ASH1L: variants seen among roughly 807,000 people sequenced by gnomAD.
ASH1L encodes the protein ASH1 like histone lysine methyltransferase.
A neutral mutation model predicts 269.0 loss-of-function variants in ASH1L; 23 were observed. The ratio of observed to expected loss-of-function variants is 0.09; its 90% confidence interval spans 0.06 to 0.12. The LOEUF is 0.12. Among genes scored for constraint, ASH1L ranks in the 10% least tolerant of loss-of-function variants. The pLI is 1.00. For missense variants in ASH1L, 2,912 were observed against 3,567.8 expected, an observed-to-expected ratio of 0.82 and a Z score of 4.68; for synonymous variants, 1,187 against 1,253.5, an observed-to-expected ratio of 0.95 and a Z score of 1.12.
chr1:155,417,650 A>G (rs531958555), intron 5 of ASH1L, among the ~76,000 whole-genome samples: 46 of 152,304 alleles, frequency 3.0e-4, no homozygotes, highest in Admixed American at 9.8e-4. Flanking sequence ...GGGCTTAATT[A>G]TCCTGAAAGG....
chr1:155,537,651 G>C (rs750609604), intron 1 of ASH1L, among the ~76,000 whole-genome samples: 1 of 151,804 alleles, frequency 6.6e-6, no homozygotes, highest in Non-Finnish European at 1.5e-5. Context: ...ATCTAAATTC[G>C]AAAACGAACT....
intron 3 of ASH1L, among the ~76,000 whole-genome samples, chr1:155,466,131 G>A (rs1399988906): frequency 6.6e-6 from 1 of 152,164 alleles, no homozygotes; most frequent in Non-Finnish European, 1.5e-5. Flanking sequence ...GAGGCAGGCA[G>A]ATCACGAGGT....
At chr1:155,433,471 C>T (rs1346621575) in intron 5 of ASH1L, 4 of 1,610,164 alleles carry the variant, frequency 2.5e-6, no homozygotes, top group East Asian at 2.2e-5. Flanking sequence ...AGCCTGAGGG[C>T]GAAGCAGGAG....
At chr1:155,345,233 T>A (rs1439947578) in intron 21 of ASH1L, among the ~76,000 whole-genome samples, 1 of 128,858 alleles carries the variant, frequency 7.8e-6, no homozygotes, top group Non-Finnish European at 1.5e-5. Flanking sequence ...CGGGCTAGAG[T>A]GCAGTGGCGT....
intron 1 of ASH1L, among the ~76,000 whole-genome samples, chr1:155,528,777 T>C (rs1433706899): frequency 6.6e-6 from 1 of 152,166 alleles, no homozygotes; most frequent in Non-Finnish European, 1.5e-5. Context: ...ACTTGTGTCA[T>C]GGGGGTTTAT....
intron 6 of ASH1L, among the ~76,000 whole-genome samples, chr1:155,406,052 A>G (rs1217839519): frequency 6.6e-6 from 1 of 151,792 alleles, no homozygotes; most frequent in Non-Finnish European, 1.5e-5. Flanking sequence ...AAAAATACAA[A>G]AAGTAGATGG....
chr1:155,349,919 T>G lies in ASH1L; in HGVS notation c.7367-323A>C, dbSNP rs926239569. ...TTTTTTTTTTTTTGAGACAAGAGTT[T>G]CGCTCTGTTGCCCAGGCTGGAGTGC... On this transcript the variant is annotated intron_variant, in intron 17 of 27. Transcript: ENST00000392403. 3.5e-5 allele frequency among the ~76,000 whole-genome samples: 5 copies of G among 143,838 alleles called. No homozygotes were observed. The East Asian group carries it at 1.0e-3, about 29-fold the overall frequency. 94.4% of individuals were successfully genotyped at this position (143,838 alleles called of 152,430 possible).
At chr1:155,483,296 G>A (rs892199156) in intron 2 of ASH1L, among the ~76,000 whole-genome samples, 6 of 152,124 alleles carry the variant, frequency 3.9e-5, no homozygotes, top group East Asian at 3.8e-4. Context: ...TAAATTTAAT[G>A]CAATCTCAAT....
At chr1:155,483,914 A>ACCT (rs1240364352) in intron 2 of ASH1L, among the ~76,000 whole-genome samples, 1 of 152,156 alleles carries the variant, frequency 6.6e-6, no homozygotes. Context: ...GTTGAGAACA[A>ACCT]TGGTTATAAT....
In ASH1L at chr1:155,434,369, G is replaced by A. The variant is rs1661900510; in HGVS notation, c.5828+3958C>T. On this transcript the variant is annotated intron_variant, in intron 5 of 27. Coordinates refer to ENST00000392403, the MANE Select transcript of ASH1L (RefSeq NM_018489.3). ...TGGAATTAAGTTCTTCATTCACTAA[G>A]GAAGGAATTGGGAACACAAAGGGTG... 8.7e-6 allele frequency: 13 copies of A among 1,487,174 alleles called. No homozygotes were observed. In the South Asian group the frequency reaches 1.6e-4, roughly 18 times the overall value. 92.1% of individuals were successfully genotyped at this position (1,487,174 alleles called of 1,614,324 possible). A position where few individuals can be genotyped will look rare whatever the true frequency, so the allele number is the denominator to read the frequency against.
intron 1 of ASH1L, among the ~76,000 whole-genome samples, chr1:155,556,800 G>A (rs1671626305): frequency 6.6e-6 from 1 of 152,088 alleles, no homozygotes; most frequent in Admixed American, 6.6e-5. Context: ...TATAATTCCA[G>A]CAATTTGGGA....
chr1:155,482,263 C>A lies in ASH1L; in HGVS notation c.607G>T (p.Asp203Tyr). The A allele has an allele frequency of 6.2e-7, 1 of 1,614,138 alleles. No individual in the cohort carries two copies. The highest frequency in any genetic ancestry group is 8.5e-7 in the Non-Finnish European group (1 of 1,180,010). ...TTAAGTAATGCTCTGTCCTTTAAAT[C>A]AGGATCCCGGCTACCAAGAAGAGTA... Reference protein sequence around the residue: ...PSTLLGSRDPDLKDRALLNGG... With the variant: ...PSTLLGSRDPYLKDRALLNGG... Residue 203 changes from aspartate to tyrosine, a missense_variant, in exon 3 of 28, where the codon GAT becomes TAT. Asp to Tyr is a radical substitution (Grantham distance 160, BLOSUM62 -3). Coordinates refer to ENST00000392403, the MANE Select transcript of ASH1L (RefSeq NM_018489.3).
At chr1:155,438,068 G>C (rs1197632921) in intron 5 of ASH1L, among the ~76,000 whole-genome samples, 10 of 152,082 alleles carry the variant, frequency 6.6e-5, no homozygotes, top group Admixed American at 6.6e-4. Context: ...GGCTGGTCTT[G>C]AACTCCTCAC....
At chr1:155,533,212 T>C (rs774073678) in intron 1 of ASH1L, among the ~76,000 whole-genome samples, 9 of 152,220 alleles carry the variant, frequency 5.9e-5, no homozygotes, top group Non-Finnish European at 1.2e-4. Flanking sequence ...TCAGTAAAAG[T>C]AATAAAATAC....
intron 4 of ASH1L, among the ~76,000 whole-genome samples, chr1:155,450,231 C>T (rs1663364503): frequency 6.6e-6 from 1 of 152,108 alleles, no homozygotes; most frequent in South Asian, 2.1e-4. Flanking sequence ...TCTTTACAAT[C>T]GTTTTCCAGA....
rs1341372639 is a variant in ASH1L, at chr1:155,343,304, G to T, written c.8293+10C>A. 5.6e-6 allele frequency: 9 copies of T among 1,608,216 alleles called. No individual in the cohort carries two copies. Among genetic ancestry groups the T allele is most frequent in the Non-Finnish European group, 5.9e-6 (7 of 1,176,676 alleles). On this transcript the variant is annotated intron_variant, in intron 24 of 27. Coordinates refer to ENST00000392403, the MANE Select transcript of ASH1L (RefSeq NM_018489.3). The surrounding 1 kb of genome is among the most constrained non-coding windows in gnomAD (Gnocchi z 6.1). ...CCGAGGTCATTTTTTAACTAGCCCA[G>T]ATCACTTACCTTTACAATACGTATA...
rs35340905 is a variant in ASH1L, at chr1:155,538,641, C to CTTTTT, written c.-99-17028_-99-17024dup. ...ACAGGTGTGAACCACTGTACCCAGCCTTTTTTTTTTTTTTTTTTTTTTAAT... is the reference window on the plus strand; with the variant it reads ...ACAGGTGTGAACCACTGTACCCAGCCTTTTTTTTTTTTTTTTTTTTTTTTTTTAAT... On this transcript the variant is annotated intron_variant, in intron 1 of 27. Transcript: ENST00000392403. Among the ~76,000 whole-genome samples the CTTTTT allele has an allele frequency of 9.3e-5, 10 of 107,970 alleles. 1 individual carries two copies. Among genetic ancestry groups the CTTTTT allele is most frequent in the Middle Eastern group, 6.7e-3 (1 of 150 alleles). 70.8% of individuals were successfully genotyped at this position (107,970 alleles called of 152,430 possible).
intron 1 of ASH1L, among the ~76,000 whole-genome samples, chr1:155,538,197 G>C (rs904473770): frequency 2.7e-5 from 4 of 150,712 alleles, no homozygotes; most frequent in East Asian, 3.9e-4. Flanking sequence ...GCTAATTTTT[G>C]TATCTTTAGT....
chr1:155,339,512 T>C, intron 25 of ASH1L, 144 bp from the exon 26 acceptor site: 1 of 622,446 alleles, frequency 1.6e-6, no homozygotes, highest in South Asian at 2.1e-5. Flanking sequence ...TTAGTACTTC[T>C]ATGAATATGC....
Sources: gnomAD v4.1 joint callset for allele counts (sites outside exome capture counted in the v4.1 genomes callset) on GRCh38, gnomAD v4.1.1 for gene constraint, Gnocchi (gnomAD v3.1) non-coding constraint, MANE v1.5 for transcripts, NCBI Gene and HGNC (gene_info 2026-07-23, HGNC 2026-07-21) for gene names.